DGKB: variants seen among roughly 807,000 people sequenced by gnomAD.
DGKB encodes the protein diacylglycerol kinase beta.
Under a neutral mutation model 114.3 loss-of-function variants are expected in DGKB, and 67 were observed. The observed-to-expected ratio is 0.59, with a 90% CI of 0.48 to 0.72. The LOEUF (loss-of-function observed/expected upper bound fraction) is 0.72. DGKB is among the 30% of genes least tolerant of loss of function. The pLI is 0.00. For missense variants in DGKB, 907 were observed against 975.2 expected (o/e 0.93, Z 0.93); for synonymous variants, 398 against 323.1 (o/e 1.23, Z -2.49).
chr7:14,602,931 C>G (rs1563648438), intron 17 of DGKB, among the ~76,000 whole-genome samples: 1 of 152,102 alleles, frequency 6.6e-6, no homozygotes, highest in South Asian at 2.1e-4. Flanking sequence ...GATCTCTAGT[C>G]TAATTGCTAT....
intron 25 of DGKB, among the ~76,000 whole-genome samples, chr7:14,160,995 G>T (rs1783793337): frequency 6.6e-6 from 1 of 152,102 alleles, no homozygotes; most frequent in African/African-American, 2.4e-5. Flanking sequence ...TCAAAAAGTG[G>T]GCAAAGGATA....
chr7:14,575,518 A>G (rs891321576), intron 19 of DGKB, among the ~76,000 whole-genome samples: 2 of 152,222 alleles, frequency 1.3e-5, no homozygotes, highest in Non-Finnish European at 2.9e-5. Flanking sequence ...CCTCAACATT[A>G]GTTTCCTTCC....
chr7:14,761,726 G>A (rs1233897507), intron 2 of DGKB, among the ~76,000 whole-genome samples: 2 of 152,176 alleles, frequency 1.3e-5, no homozygotes, highest in Non-Finnish European at 2.9e-5. Flanking sequence ...AGAAATCCAG[G>A]CAAGCAGCCA....
chr7:14,341,432 A>G (rs1021774434), intron 22 of DGKB, among the ~76,000 whole-genome samples: 1 of 151,848 alleles, frequency 6.6e-6, no homozygotes, highest in African/African-American at 2.4e-5. Flanking sequence ...GTGTCAGATA[A>G]TATTTTCATT....
In DGKB at chr7:14,170,958, G is replaced by A. The variant is rs1276335662; in HGVS notation, c.2304+5881C>T. On this transcript the variant is annotated intron_variant, in intron 25 of 25. Transcript: ENST00000402815. ...GAACTGGCAGTCAAGTCAGAAAATA[G>A]CATCTCATGGAATGGGTCACACAGT... Among the ~76,000 whole-genome samples the A allele has an allele frequency of 2.0e-5, 3 of 152,134 alleles. No homozygotes were observed. In the South Asian group the frequency reaches 6.2e-4, roughly 31 times the overall value.
At chr7:14,914,919 C>A (rs968776737) in intron 1 of DGKB, among the ~76,000 whole-genome samples, 3 of 151,472 alleles carry the variant, frequency 2.0e-5, no homozygotes, top group Admixed American at 2.0e-4. Flanking sequence ...CTGGACAGAA[C>A]TGAGGAGAGA....
At chr7:14,635,675 T>C (rs1563745096) in intron 13 of DGKB, among the ~76,000 whole-genome samples, 3 of 151,614 alleles carry the variant, frequency 2.0e-5, no homozygotes, top group Non-Finnish European at 4.4e-5. Flanking sequence ...AGATACCTAT[T>C]TATGAATGTG....
At chr7:14,524,626 T>C (rs761645149) in intron 20 of DGKB, among the ~76,000 whole-genome samples, 25 of 151,820 alleles carry the variant, frequency 1.6e-4, no homozygotes, top group Non-Finnish European at 3.2e-4. Context: ...CATGGTGGTA[T>C]GTGCCTGTAG....
chr7:14,771,186 A>G (rs1837348216), intron 2 of DGKB, among the ~76,000 whole-genome samples: 1 of 152,112 alleles, frequency 6.6e-6, no homozygotes, highest in South Asian at 2.1e-4. Flanking sequence ...CTCAGACCTT[A>G]GTTATAGATT....
At chr7:14,782,224 C>T (rs1334688677) in intron 2 of DGKB, among the ~76,000 whole-genome samples, 3 of 152,036 alleles carry the variant, frequency 2.0e-5, no homozygotes, top group African/African-American at 7.2e-5. Flanking sequence ...ATGGGTTTTG[C>T]CTTGTTGTCC....
intron 20 of DGKB, among the ~76,000 whole-genome samples, chr7:14,535,639 G>A (rs181285959): frequency 2.0e-4 from 31 of 152,180 alleles, no homozygotes; most frequent in Non-Finnish European, 3.4e-4. Context: ...CCAGGCTGGC[G>A]TGCAATGGTG....
chr7:14,939,362 T>C (rs2076102170), intron 1 of DGKB, among the ~76,000 whole-genome samples: 1 of 152,154 alleles, frequency 6.6e-6, no homozygotes. Context: ...TATCGCATTA[T>C]CAAATAGAAA....
Position 14,583,034 on chromosome 7 carries a change from A to C in DGKB, c.1519+18T>G, listed in dbSNP as rs779537145. ...TATTGCTCTCTCCCCAGCCATATTAAGTATGTGTCTGCATTACCTATGCAA... is the reference window on the plus strand; with the variant it reads ...TATTGCTCTCTCCCCAGCCATATTACGTATGTGTCTGCATTACCTATGCAA... On this transcript the variant is annotated intron_variant, in intron 18 of 25. Transcript: ENST00000402815. 1 of 1,526,752 alleles carries C rather than the reference A, an allele frequency of 6.5e-7. No homozygotes were observed. Among genetic ancestry groups the C allele is most frequent in the Non-Finnish European group, 9.1e-7 (1 of 1,100,858 alleles). 94.6% of individuals were successfully genotyped at this position (1,526,752 alleles called of 1,614,324 possible).
chr7:14,582,392 T>C (rs559426358), intron 18 of DGKB, among the ~76,000 whole-genome samples: 1 of 152,170 alleles, frequency 6.6e-6, no homozygotes, highest in Non-Finnish European at 1.5e-5. Flanking sequence ...TATTTGCTCA[T>C]AAAAATCGAG....
intron 5 of DGKB, among the ~76,000 whole-genome samples, chr7:14,723,954 T>A (rs1231325700): frequency 1.3e-5 from 2 of 152,208 alleles, no homozygotes; most frequent in Non-Finnish European, 2.9e-5. Flanking sequence ...CAGGTTCAAT[T>A]ATTAGCAGAT....
At chr7:14,415,781 T>C (rs1583768946) in intron 21 of DGKB, among the ~76,000 whole-genome samples, 1 of 152,188 alleles carries the variant, frequency 6.6e-6, no homozygotes, top group East Asian at 1.9e-4. Flanking sequence ...TTTGGGTATA[T>C]ACCCAGTAAT....
intron 21 of DGKB, among the ~76,000 whole-genome samples, chr7:14,351,760 AACT>A (rs1813481330): frequency 6.6e-6 from 1 of 152,166 alleles, no homozygotes; most frequent in African/African-American, 2.4e-5. Context: ...AGAAACTTGA[AACT>A]ACAATTTTGT....
chr7:14,652,488 C>T (rs1216761748), intron 13 of DGKB, among the ~76,000 whole-genome samples: 1 of 151,902 alleles, frequency 6.6e-6, no homozygotes, highest in Non-Finnish European at 1.5e-5. Flanking sequence ...ACACCTTATT[C>T]AAAAATCAAT....
At chr7:14,553,966 G>A (rs1439222291) in intron 20 of DGKB, among the ~76,000 whole-genome samples, 2 of 135,920 alleles carry the variant, frequency 1.5e-5, no homozygotes, top group East Asian at 2.5e-4. Context: ...TCCGCCTCCC[G>A]GGTTCACGCC....
Sources: allele counts gnomAD v4.1 joint callset (sites outside exome capture counted in the v4.1 genomes callset), GRCh38; gene constraint gnomAD v4.1.1; transcripts MANE v1.5; gene names NCBI Gene and HGNC (gene_info 2026-07-23, HGNC 2026-07-21).